Variants in SAMMSON observed in about 807,000 individuals in gnomAD.
SAMMSON encodes long intergenic non-protein coding RNA 1212.
At chr3:70,388,860 T>C (rs1701014772) in intron 9 of SAMMSON, among the ~76,000 whole-genome samples, 2 of 152,092 alleles carry the variant, frequency 1.3e-5, no homozygotes, top group African/African-American at 4.8e-5. Context: ...AAAACCCATG[T>C]TGAAATTTGA....
At chr3:70,204,940 T>C (rs768228643) in intron 4 of SAMMSON, 23 of 152,096 alleles carry the variant, frequency 1.5e-4, no homozygotes, top group Non-Finnish European at 2.4e-4. Flanking sequence ...TTTGATAAAA[T>C]GCTGTAGCAT....
intron 4 of SAMMSON, among the ~76,000 whole-genome samples, chr3:70,201,025 T>A (rs1466553744): frequency 6.8e-6 from 1 of 147,996 alleles, no homozygotes; most frequent in Non-Finnish European, 1.5e-5. Flanking sequence ...GTTTTGTAAC[T>A]TTTTTTTTTT....
intron 9 of SAMMSON, among the ~76,000 whole-genome samples, chr3:70,384,030 T>A (rs1156269386): frequency 1.3e-5 from 2 of 151,914 alleles, no homozygotes; most frequent in African/African-American, 4.8e-5. Context: ...AACAAAACCA[T>A]TGGTTAAGGA....
At chr3:70,310,034 G>A (rs1702440847) in intron 7 of SAMMSON, among the ~76,000 whole-genome samples, 1 of 152,130 alleles carries the variant, frequency 6.6e-6, no homozygotes, top group South Asian at 2.1e-4. Flanking sequence ...CACCATAAGT[G>A]GTGGTGAAGA....
intron 2 of SAMMSON, among the ~76,000 whole-genome samples, chr3:70,410,453 G>T (rs1013156012): frequency 2.0e-5 from 3 of 152,150 alleles, no homozygotes; most frequent in African/African-American, 7.2e-5. Flanking sequence ...CAAGTACGTG[G>T]TCTATTTTTA....
At chr3:70,234,479 T>C (rs1701589460) in intron 4 of SAMMSON, among the ~76,000 whole-genome samples, 1 of 151,854 alleles carries the variant, frequency 6.6e-6, no homozygotes, top group Non-Finnish European at 1.5e-5. Context: ...CAAAACCCCA[T>C]CTCTACAAAA....
At chr3:70,166,242 G>C (rs1164986671) in intron 4 of SAMMSON, among the ~76,000 whole-genome samples, 1 of 151,876 alleles carries the variant, frequency 6.6e-6, no homozygotes, top group Non-Finnish European at 1.5e-5. Flanking sequence ...AAGCATATGT[G>C]AAAAAATGTC....
At chr3:70,299,663 T>C (rs1702327803) in intron 7 of SAMMSON, among the ~76,000 whole-genome samples, 1 of 152,114 alleles carries the variant, frequency 6.6e-6, no homozygotes, top group Non-Finnish European at 1.5e-5. Flanking sequence ...TGCCTTCTCA[T>C]TTGTGGATGC....
At chr3:70,144,978 T>C (rs1576134396) in intron 4 of SAMMSON, among the ~76,000 whole-genome samples, 1 of 152,222 alleles carries the variant, frequency 6.6e-6, no homozygotes, top group South Asian at 2.1e-4. Context: ...AATGTCTCTT[T>C]TTGCTCCCTG....
chr3:70,026,064 A>G (rs1034132303), intron 3 of SAMMSON, among the ~76,000 whole-genome samples: 3 of 152,186 alleles, frequency 2.0e-5, no homozygotes, highest in Admixed American at 2.0e-4. Flanking sequence ...TTAGTAATTT[A>G]TAAAAGTAAA....
chr3:70,354,782 C>A (rs773095707), intron 8 of SAMMSON, among the ~76,000 whole-genome samples: 25 of 152,204 alleles, frequency 1.6e-4, no homozygotes, highest in Non-Finnish European at 3.4e-4. Context: ...AGACTGCATA[C>A]ATTCTCGGAT....
At chr3:70,000,993 A>G (rs1351384640) in intron 1 of SAMMSON, among the ~76,000 whole-genome samples, 1 of 152,090 alleles carries the variant, frequency 6.6e-6, no homozygotes, top group Non-Finnish European at 1.5e-5. Flanking sequence ...TGTGCACTGC[A>G]GGGACGGGGA....
chr3:70,202,834 C>G (rs922954249), intron 4 of SAMMSON, among the ~76,000 whole-genome samples: 1 of 152,064 alleles, frequency 6.6e-6, no homozygotes, highest in Non-Finnish European at 1.5e-5. Flanking sequence ...TGGGGACTGG[C>G]TAATTAGGAG....
rs557608971 is a variant in SAMMSON, at chr3:70,357,648, G to A, written n.843-606G>A. 9.2e-4 allele frequency among the ~76,000 whole-genome samples: 139 copies of A among 151,900 alleles called. 1 individual carries two copies. Among genetic ancestry groups the A allele is most frequent in the African/African-American group, 3.2e-3 (131 of 41,434 alleles). ...GTCAATGGGTGTAGCAAACCACCATGGCACATGTATACTTATGGAACAAAA... is the reference window on the plus strand; with the variant it reads ...GTCAATGGGTGTAGCAAACCACCATAGCACATGTATACTTATGGAACAAAA... On this transcript the variant is annotated intron_variant and non_coding_transcript_variant, in intron 8 of 9. Coordinates refer to ENST00000642114, the Ensembl canonical transcript of SAMMSON.
intron 9 of SAMMSON, among the ~76,000 whole-genome samples, chr3:70,359,798 GATA>G (rs1194444771): frequency 6.6e-6 from 1 of 152,056 alleles, no homozygotes; most frequent in African/African-American, 2.4e-5. Flanking sequence ...TTATTTTAGA[GATA>G]ATAATGATTG....
intron 7 of SAMMSON, among the ~76,000 whole-genome samples, chr3:70,298,601 C>T (rs934121336): frequency 2.6e-5 from 4 of 152,098 alleles, no homozygotes; most frequent in East Asian, 1.9e-4. Flanking sequence ...TCCTCTTTCT[C>T]GTTAAAATCA....
At chr3:70,089,196 A>G (rs371461179) in intron 4 of SAMMSON, among the ~76,000 whole-genome samples, 3 of 152,278 alleles carry the variant, frequency 2.0e-5, no homozygotes, top group African/African-American at 7.2e-5. Flanking sequence ...GATCTCTCTA[A>G]ATGCCCAGAC....
intron 3 of SAMMSON, among the ~76,000 whole-genome samples, chr3:70,062,142 A>C (rs370164862): frequency 6.6e-6 from 1 of 151,990 alleles, no homozygotes; most frequent in Non-Finnish European, 1.5e-5. Context: ...TCCTCTGCCC[A>C]TGGTGCTGAG....
chr3:70,259,222 C>G (rs1701843919), intron 6 of SAMMSON, among the ~76,000 whole-genome samples: 1 of 152,098 alleles, frequency 6.6e-6, no homozygotes, highest in Non-Finnish European at 1.5e-5. Context: ...TATTCATAGT[C>G]TATGCTAAAA....
Sources: gnomAD v4.1 joint callset for allele counts (sites outside exome capture counted in the v4.1 genomes callset) on GRCh38, gnomAD v4.1.1 for gene constraint, MANE v1.5 for transcripts, NCBI Gene and HGNC (gene_info 2026-07-23, HGNC 2026-07-21) for gene names.